The following GASK1B variants were observed in gnomAD, a reference collection of about 807,000 sequenced individuals.
GASK1B encodes the protein Golgi-associated kinase 1B.
Under a neutral mutation model 42.8 loss-of-function variants are expected in GASK1B, and 34 were observed. The ratio of observed to expected loss-of-function variants is 0.79; its 90% CI spans 0.60 to 1.06. GASK1B has a LOEUF of 1.06. Among genes scored for constraint, GASK1B ranks in the 50% least tolerant of loss-of-function variants. The pLI, the probability that GASK1B is intolerant of heterozygous loss-of-function variation, is 0.00. For missense variants in GASK1B, 686 were observed against 661.0 expected (o/e 1.04, Z -0.42); for synonymous variants, 262 against 259.1 (o/e 1.01, Z -0.11).
chr4:158,142,155 A>C (rs1382036245), intron 3 of GASK1B, among the ~76,000 whole-genome samples: 1 of 148,468 alleles, frequency 6.7e-6, no homozygotes, highest in Non-Finnish European at 1.5e-5. Flanking sequence ...CTTGTTAGCC[A>C]GGATGGTCTC....
intron 3 of GASK1B, among the ~76,000 whole-genome samples, chr4:158,149,778 T>C (rs1390572577): frequency 6.6e-6 from 1 of 152,164 alleles, no homozygotes; most frequent in Non-Finnish European, 1.5e-5. Flanking sequence ...TATACAACTA[T>C]GGCTAAAAAT....
chr4:158,136,347 C>A (rs1010009866), intron 3 of GASK1B, among the ~76,000 whole-genome samples: 2 of 151,760 alleles, frequency 1.3e-5, no homozygotes, highest in Non-Finnish European at 2.9e-5. Context: ...CATAGCAGGA[C>A]CCCCAGAAAA....
rs115069542 is a variant in GASK1B, at chr4:158,155,792, G to A, written c.944C>T (p.Ala315Val). ...GRPCPIILWD[A>V]SLSSASNDTH... ...GTCATTACTTGCTGAAGATAAAGAT[G>A]CATCCCAAAGAATGATGGGGCATGG... Residue 315 changes from alanine (A) to valine (V), a missense_variant, in exon 3 of 5, where the codon GCA (alanine) becomes GTA (valine). Coordinates refer to ENST00000585682, the MANE Select transcript of GASK1B (RefSeq NM_001128424.2). 2,540 of 1,613,728 alleles carry A rather than the reference G, an allele frequency of 1.6e-3. 3 individuals carry two copies. The highest frequency in any genetic ancestry group is 2.0e-3 in the Non-Finnish European group (2,412 of 1,179,744).
In GASK1B at chr4:158,124,889, T is replaced by C. The variant is rs1325156208; in HGVS notation, c.*2518A>G. The C allele has an allele frequency of 1.3e-5, 2 of 152,162 alleles. No homozygotes were observed. The highest frequency in any genetic ancestry group is 2.9e-5 in the Non-Finnish European group (2 of 68,016). 9.4% of individuals were successfully genotyped at this position (152,162 alleles called of 1,614,324 possible). ...AATGTTTTATTATAGATTTTTAAGA[T>C]ACATATTTATTTTTATATTATTAGC... On this transcript the variant is annotated 3_prime_UTR_variant, in exon 5 of 5. Transcript: ENST00000585682.
chr4:158,128,231 G>A (rs1318149000), intron 4 of GASK1B, among the ~76,000 whole-genome samples: 2 of 152,106 alleles, frequency 1.3e-5, no homozygotes, highest in African/African-American at 4.8e-5. Context: ...TTTAGCTAGA[G>A]TGTTAAGATG....
intron 2 of GASK1B, among the ~76,000 whole-genome samples, chr4:158,164,656 A>G (rs975678953): frequency 4.6e-5 from 7 of 152,238 alleles, no homozygotes; most frequent in African/African-American, 1.7e-4. Context: ...AAATATTTTC[A>G]GAAAGTTTGC....
chr4:158,135,922 G>A (rs1462635632), intron 3 of GASK1B, among the ~76,000 whole-genome samples: 2 of 151,978 alleles, frequency 1.3e-5, no homozygotes, highest in Non-Finnish European at 2.9e-5. Context: ...TACAATAAGT[G>A]TATTTGGCCA....
intron 2 of GASK1B, chr4:158,169,404 G>A (rs1041121124): frequency 3.9e-5 from 6 of 152,122 alleles, no homozygotes; most frequent in Non-Finnish European, 8.8e-5. Flanking sequence ...ACTTCCAGGG[G>A]TATCCATTTT....
intron 2 of GASK1B, chr4:158,168,935 G>A (rs938632134): frequency 2.6e-4 from 39 of 152,232 alleles, no homozygotes; most frequent in East Asian, 1.9e-4. Context: ...CTCCTTTCAC[G>A]CCACACGGTT....
In GASK1B at chr4:158,130,907, C is replaced by T. The variant is rs201119051; in HGVS notation, c.1231G>A (p.Ala411Thr). 24 of 1,613,990 alleles carry T rather than the reference C, an allele frequency of 1.5e-5. No homozygotes were observed. The highest frequency in any genetic ancestry group is 2.7e-5 in the African/African-American group (2 of 74,938). Residue 411 changes from alanine (A) to threonine (T), a missense_variant, in exon 4 of 5, where the codon GCT becomes ACT. Physicochemically the swap from Ala to Thr is moderately conservative, Grantham distance 58. Coordinates refer to ENST00000585682, the MANE Select transcript of GASK1B (RefSeq NM_001128424.2). ...RPKCDDQGSA[A>T]LAHIIQRKHD... is the part of the protein sequence containing the mutation. ...TTTCGCTGGATAATGTGTGCTAGAG[C>T]CGCAGAACCTTGGTCATCACATTTT...
rs1423440722 is a variant in GASK1B, at chr4:158,170,829, C to A, written c.547G>T (p.Val183Leu). Residue 183 changes from valine (V) to leucine (L), a missense_variant, in exon 2 of 5, where the codon GTG becomes TTG. Transcript: ENST00000585682. The part of the protein sequence containing the change: ...VKIGERPWRL[V>L]RGPGVRAGGP... ...CCGGCTCGCACTCCCGGACCCCGCACCAACCTCCAGGGTCGCTCTCCAATC... is the reference window on the plus strand; with the variant it reads ...CCGGCTCGCACTCCCGGACCCCGCAACAACCTCCAGGGTCGCTCTCCAATC... 1.2e-6 allele frequency: 2 copies of A among 1,614,214 alleles called. No homozygotes were observed. Among genetic ancestry groups the A allele is most frequent in the Non-Finnish European group, 1.7e-6 (2 of 1,180,030 alleles).
rs190425301 is a variant in GASK1B, at chr4:158,124,669, C to A, written c.*2738G>T. 6.6e-6 allele frequency: 1 copy of A among 152,162 alleles called. No homozygotes were observed. Among genetic ancestry groups the A allele is most frequent in the East Asian group, 1.9e-4 (1 of 5,176 alleles). 9.4% of individuals were successfully genotyped at this position (152,162 alleles called of 1,614,324 possible). A position where few individuals can be genotyped will look rare whatever the true frequency, so the allele number is the denominator to read the frequency against. Reference sequence around the variant, plus strand: ...CAGTAGAATAAACAGGCTATGATTACAAGTCCAAAGATTACAAATATAATG... The same window carrying A: ...CAGTAGAATAAACAGGCTATGATTAAAAGTCCAAAGATTACAAATATAATG... On this transcript the variant is annotated 3_prime_UTR_variant, in exon 5 of 5. Transcript: ENST00000585682.
At chr4:158,164,589 C>T (rs1466528446) in intron 2 of GASK1B, among the ~76,000 whole-genome samples, 1 of 152,182 alleles carries the variant, frequency 6.6e-6, no homozygotes. Flanking sequence ...AGGAAGAACA[C>T]AACATACTTT....
chr4:158,133,692 T>C (rs1176245128), intron 3 of GASK1B, among the ~76,000 whole-genome samples: 8 of 152,234 alleles, frequency 5.3e-5, no homozygotes, highest in Admixed American at 5.2e-4. Context: ...TGCTACAGTG[T>C]ACTTTTAAAG....
intron 2 of GASK1B, among the ~76,000 whole-genome samples, chr4:158,168,062 G>T (rs1395609899): frequency 6.6e-6 from 1 of 152,122 alleles, no homozygotes; most frequent in Non-Finnish European, 1.5e-5. Flanking sequence ...ATAACTATAT[G>T]AAATCATTTC....
At chr4:158,148,292 C>T (rs1731411743) in intron 3 of GASK1B, among the ~76,000 whole-genome samples, 1 of 152,128 alleles carries the variant, frequency 6.6e-6, no homozygotes, top group African/African-American at 2.4e-5. Context: ...AATAACACCC[C>T]ATCAACATCT....
intron 3 of GASK1B, among the ~76,000 whole-genome samples, chr4:158,147,918 A>C (rs1731393635): frequency 6.6e-6 from 1 of 152,254 alleles, no homozygotes; most frequent in African/African-American, 2.4e-5. Flanking sequence ...ATAAATAATC[A>C]ATAAATATTT....
intron 2 of GASK1B, among the ~76,000 whole-genome samples, chr4:158,162,855 G>A (rs746921215): frequency 2.6e-5 from 4 of 152,298 alleles, no homozygotes; most frequent in African/African-American, 7.2e-5. Flanking sequence ...GTCATTGGAC[G>A]CTCACACATG....
rs935496557 is a variant in GASK1B at position 158,126,498 on chromosome 4, C to T, written c.*909G>A. The stretch of plus-strand genomic sequence containing the variant: ...CATTAAATCAAATTAAATATAAGTA[C>T]ATAGAACAAATTTTAAGGAATTCAC... On this transcript the variant is annotated 3_prime_UTR_variant, in exon 5 of 5. Coordinates refer to ENST00000585682, the MANE Select transcript of GASK1B (RefSeq NM_001128424.2). The T allele has an allele frequency of 6.6e-6, 1 of 151,830 alleles. No homozygotes were observed. The highest frequency in any genetic ancestry group is 1.5e-5 in the Non-Finnish European group (1 of 67,916). 9.4% of individuals were successfully genotyped at this position (151,830 alleles called of 1,614,324 possible). A position where few individuals can be genotyped will look rare whatever the true frequency, so the allele number is the denominator to read the frequency against.
Sources: allele counts gnomAD v4.1 joint callset (sites outside exome capture counted in the v4.1 genomes callset), GRCh38; gene constraint gnomAD v4.1.1; transcripts MANE v1.5; gene names NCBI Gene and HGNC (gene_info 2026-07-23, HGNC 2026-07-21).